The following UTY variants were observed in gnomAD, a reference collection of about 807,000 sequenced individuals.
The protein encoded by UTY is ubiquitously transcribed tetratricopeptide repeat containing, Y-linked.
A neutral mutation model predicts 32.5 loss-of-function variants in UTY; 12 were observed. The observed-to-expected ratio is 0.37, with a 90% CI of 0.24 to 0.60. The LOEUF (loss-of-function observed/expected upper bound fraction) is 0.60, where lower values mean the gene tolerates loss of function less well. Among genes scored for constraint, UTY ranks in the 20% least tolerant of loss-of-function variants. The pLI is 0.69. For missense variants in UTY, 303 were observed against 299.2 expected, an observed-to-expected ratio of 1.01 and a Z score of -0.09; for synonymous variants, 131 against 103.4, an observed-to-expected ratio of 1.27 and a Z score of -1.62.
intron 8 of UTY, among the ~76,000 whole-genome samples, chrY:13,386,668 ATTTAC>A (rs2066814753): frequency 3.1e-5 from 1 of 32,510 alleles, no homozygotes; most frequent in Non-Finnish European, 7.5e-5. Flanking sequence ...CTAAATTATG[ATTTAC>A]TTTAAGAAAT....
intron 28 of UTY, among the ~76,000 whole-genome samples, chrY:13,254,095 T>C (rs2054456333): frequency 3.0e-5 from 1 of 33,311 alleles, no homozygotes; most frequent in Non-Finnish European, 7.4e-5. Context: ...GCTCAGTATA[T>C]AGTGTTGCAG....
intron 3 of UTY, among the ~76,000 whole-genome samples, chrY:13,458,606 G>C (rs2077062206): frequency 3.1e-5 from 1 of 32,727 alleles, no homozygotes; most frequent in Admixed American, 2.8e-4. Context: ...CTTTTTGATG[G>C]GGTTGTTTGT....
intron 4 of UTY, among the ~76,000 whole-genome samples, chrY:13,423,578 A>G: frequency 3.0e-5 from 1 of 33,560 alleles, no homozygotes; most frequent in East Asian, 7.9e-4. Context: ...TATTTTAGGC[A>G]AGGCCGAACC....
At chrY:13,438,904 T>G (rs777663439) in intron 4 of UTY, among the ~76,000 whole-genome samples, 1 of 33,034 alleles carries the variant, frequency 3.0e-5, no homozygotes, top group East Asian at 7.9e-4. Context: ...AAGAGCCTTA[T>G]TACCAGCAAA....
chrY:13,333,503 G>A, intron 18 of UTY, among the ~76,000 whole-genome samples: 1 of 33,705 alleles, frequency 3.0e-5, no homozygotes. Context: ...AATGGTGTTG[G>A]AAAAACTGGC....
chrY:13,479,829 C>T lies in UTY; in HGVS notation c.-164G>A. 1 of 191,929 alleles carries T rather than the reference C, an allele frequency of 5.2e-6. No individual in the cohort carries two copies. Among genetic ancestry groups the T allele is most frequent in the Non-Finnish European group, 8.7e-6 (1 of 115,575 alleles). 47.9% of individuals were successfully genotyped at this position (191,929 alleles called of 400,897 possible). On this transcript the variant is annotated 5_prime_UTR_variant, in exon 1 of 30. Transcript: ENST00000545955. ...AAGACTTAAGCTACCGAAGCACGGG[C>T]AGCGGAACTCGGCTACCTGGATCAC...
intron 17 of UTY, 92 bp downstream of exon 17, chrY:13,354,911 T>C: frequency 2.7e-6 from 1 of 364,910 alleles, no homozygotes; most frequent in East Asian, 1.0e-4. Flanking sequence ...ACAAAGCCAT[T>C]CTTTAAATTT....
At chrY:13,244,125 G>A (rs1052935487), downstream of UTY, among the ~76,000 whole-genome samples, 48 of 32,536 alleles carry the variant, frequency 1.5e-3, no homozygotes, top group African/African-American at 5.8e-3. Flanking sequence ...ATTATGTTAA[G>A]TGAAACAACC....
intron 4 of UTY, among the ~76,000 whole-genome samples, chrY:13,446,244 T>A: frequency 1.3e-4 from 4 of 31,784 alleles, no homozygotes; most frequent in Non-Finnish European, 3.0e-4. Context: ...GGTGACAAAA[T>A]AATCTCTACA....
downstream of UTY, chrY:13,234,461 A>C: frequency 7.4e-6 from 1 of 135,558 alleles, no homozygotes; most frequent in Non-Finnish European, 1.5e-5. Context: ...CTTCACTCAC[A>C]AGGTAGTGAG....
At chrY:13,430,509 T>C in intron 4 of UTY, among the ~76,000 whole-genome samples, 1 of 33,751 alleles carries the variant, frequency 3.0e-5, no homozygotes, top group Non-Finnish European at 7.3e-5. Flanking sequence ...CATTCATTCA[T>C]AACAATCTCT....
Position 13,305,551 on chromosome Y carries a change from C to A in UTY, c.3417-4G>T. 1 of 383,888 alleles carries A rather than the reference C, an allele frequency of 2.6e-6. No individual in the cohort carries two copies. Among genetic ancestry groups the A allele is most frequent in the Non-Finnish European group, 3.6e-6 (1 of 275,463 alleles). On this transcript the variant is annotated splice_region_variant and splice_polypyrimidine_tract_variant and intron_variant, in intron 23 of 29. Transcript: ENST00000545955. The stretch of plus-strand genomic sequence containing the variant: ...TTCATGTAACTGCAACTTCCACCTG[C>A]AATAAATTAACAGATTAAGAGTAAA...
intron 9 of UTY, among the ~76,000 whole-genome samples, chrY:13,368,639 A>AC (rs2064545032): frequency 6.2e-5 from 2 of 32,198 alleles, no homozygotes; most frequent in Admixed American, 5.7e-4. Context: ...CTGGACCCCG[A>AC]CAGTGCTGGG....
chrY:13,254,141 G>A (rs2054462767), intron 28 of UTY, among the ~76,000 whole-genome samples: 1 of 33,223 alleles, frequency 3.0e-5, no homozygotes, highest in African/African-American at 1.2e-4. Flanking sequence ...CCAACTGCCA[G>A]GCTGCTCTGA....
intron 4 of UTY, among the ~76,000 whole-genome samples, chrY:13,445,589 T>TA (rs2075675764): frequency 2.8e-4 from 8 of 29,001 alleles, no homozygotes; most frequent in East Asian, 8.6e-4. Flanking sequence ...CAAAGCATGT[T>TA]AAAAAAAAAA....
At chrY:13,252,179 C>CAAAAAA (rs779026577) in intron 28 of UTY, among the ~76,000 whole-genome samples, 1 of 3,639 alleles carries the variant, frequency 2.7e-4, no homozygotes, top group African/African-American at 1.2e-3. Context: ...GACTCCGTCT[C>CAAAAAA]AAAAAAAAAA....
chrY:13,332,752 C>T, intron 18 of UTY, among the ~76,000 whole-genome samples: 1 of 32,818 alleles, frequency 3.0e-5, no homozygotes, highest in Non-Finnish European at 7.5e-5. Context: ...GGGAATCAGG[C>T]AAGAGAAGGA....
intron 7 of UTY, 91 bp from the exon 8 acceptor site, chrY:13,393,984 C>T: frequency 1.1e-5 from 2 of 175,791 alleles, no homozygotes; most frequent in Admixed American, 1.4e-4. Flanking sequence ...GTCAGACATA[C>T]GCAAATGCTA....
chrY:13,308,513 G>A, intron 21 of UTY, among the ~76,000 whole-genome samples: 1 of 32,175 alleles, frequency 3.1e-5, no homozygotes, highest in East Asian at 8.1e-4. Flanking sequence ...CAGCTACTCA[G>A]GAAGCTGAGG....
Sources: gnomAD v4.1 joint callset for allele counts (sites outside exome capture counted in the v4.1 genomes callset) on GRCh38, gnomAD v4.1.1 for gene constraint, MANE v1.5 for transcripts, NCBI Gene and HGNC (gene_info 2026-07-23, HGNC 2026-07-21) for gene names.